SENP7: variants seen among roughly 807,000 people sequenced by gnomAD.
SENP7 encodes sentrin-specific protease 7.
In SENP7, 64 loss-of-function variants were observed where a neutral mutation model predicts 141.2. The ratio of observed to expected loss-of-function variants is 0.45; its 90% CI spans 0.37 to 0.56. SENP7 has a LOEUF of 0.56. Ranked by LOEUF, SENP7 falls within the 20% of genes least tolerant of loss-of-function variation. The pLI, the probability that SENP7 is intolerant of heterozygous loss-of-function variation, is 0.00. For missense variants in SENP7, 1,025 were observed against 1,212.2 expected, an observed-to-expected ratio of 0.85 and a Z score of 2.29; for synonymous variants, 382 against 426.4, an observed-to-expected ratio of 0.90 and a Z score of 1.28.
At chr3:101,414,188 T>G in intron 5 of SENP7, 1 of 572,408 alleles carries the variant, frequency 1.7e-6, no homozygotes, top group East Asian at 3.0e-5. Context: ...TAACTATATA[T>G]GGCCGCACAG....
intron 4 of SENP7, among the ~76,000 whole-genome samples, chr3:101,452,612 G>T (rs1490181622): frequency 6.6e-6 from 1 of 152,092 alleles, no homozygotes; most frequent in Non-Finnish European, 1.5e-5. Context: ...CAAGAAATGG[G>T]GAAAGCATTC....
chr3:101,408,229 G>A (rs1238579108), intron 5 of SENP7, among the ~76,000 whole-genome samples: 4 of 151,906 alleles, frequency 2.6e-5, no homozygotes, highest in South Asian at 2.1e-4. Context: ...AGCTTAAATC[G>A]GGAAGAATTA....
intron 2 of SENP7, 31 bp from the exon 3 acceptor site, chr3:101,493,999 A>G (rs750606899): frequency 7.3e-7 from 1 of 1,373,208 alleles, no homozygotes; most frequent in Admixed American, 1.7e-5. Context: ...TAATTAGTTT[A>G]ATTGAACTAT....
At chr3:101,337,241 T>C (rs2059211556) in intron 17 of SENP7, 1 of 218,228 alleles carries the variant, frequency 4.6e-6, no homozygotes, top group East Asian at 1.1e-4. Flanking sequence ...AGAAATAACC[T>C]AGCTTCTTTC....
intron 3 of SENP7, among the ~76,000 whole-genome samples, chr3:101,466,308 A>G (rs2107933180): frequency 6.6e-6 from 1 of 152,360 alleles, no homozygotes; most frequent in East Asian, 1.9e-4. Flanking sequence ...AAAGGCTTCT[A>G]CAAGGTATAT....
At chr3:101,400,156 C>T (rs180913305) in intron 5 of SENP7, among the ~76,000 whole-genome samples, 13 of 152,292 alleles carry the variant, frequency 8.5e-5, no homozygotes, top group Non-Finnish European at 1.8e-4. Flanking sequence ...AATTCACTGG[C>T]CCAAGCCAAA....
chr3:101,419,756 C>T (rs2061732264), intron 4 of SENP7, among the ~76,000 whole-genome samples: 1 of 152,180 alleles, frequency 6.6e-6, no homozygotes, highest in Non-Finnish European at 1.5e-5. Flanking sequence ...ATAATTAACA[C>T]AGTAAGTTTC....
chr3:101,380,435 G>GCCCCCC (rs11348061), intron 6 of SENP7, among the ~76,000 whole-genome samples: 1 of 95,168 alleles, frequency 1.1e-5, no homozygotes, highest in Non-Finnish European at 2.3e-5. Flanking sequence ...GCAAACCACC[G>GCCCCCC]CCCCCCCCCC....
At position 101,361,695 on chromosome 3, in the gene SENP7, A is replaced by C. The variant is rs771416417; in HGVS notation, c.1623+20T>G. 1.3e-6 allele frequency: 2 copies of C among 1,520,294 alleles called. No homozygotes were observed. The highest frequency in any genetic ancestry group is 1.8e-6 in the Non-Finnish European group (2 of 1,141,816). 94.2% of individuals were successfully genotyped at this position (1,520,294 alleles called of 1,614,324 possible). A position where few individuals can be genotyped will look rare whatever the true frequency, so the allele number is the denominator to read the frequency against. On this transcript the variant is annotated intron_variant, in intron 11 of 23. Coordinates refer to ENST00000394095, the MANE Select transcript of SENP7 (RefSeq NM_020654.5). ...TGTCCAAGATCCAAACTAAAAGAAA[A>C]TTAAAGAAAATATACTTACTGTAAC...
intron 1 of SENP7, among the ~76,000 whole-genome samples, chr3:101,512,336 G>A (rs1021008992): frequency 1.3e-5 from 2 of 152,176 alleles, no homozygotes; most frequent in Non-Finnish European, 2.9e-5. Flanking sequence ...TCTCAACTGG[G>A]AGGAGCTCTA....
chr3:101,384,779 C>G (rs2553425), intron 6 of SENP7, among the ~76,000 whole-genome samples: 70,427 of 152,068 alleles, frequency 0.46, 16,696 homozygotes, highest in South Asian at 0.53. Flanking sequence ...AAAACTCAGG[C>G]AAAGAGGTCA....
intron 9 of SENP7, 64 bp from the exon 10 acceptor site, chr3:101,365,055 C>A: frequency 9.1e-7 from 1 of 1,093,982 alleles, no homozygotes; most frequent in Non-Finnish European, 1.2e-6. Context: ...TTTTTTGAGA[C>A]ACAGTCTCCC....
chr3:101,433,936 T>C (rs1236343564), intron 4 of SENP7, among the ~76,000 whole-genome samples: 2 of 151,456 alleles, frequency 1.3e-5, no homozygotes, highest in Non-Finnish European at 2.9e-5. Context: ...ACCAAATGGA[T>C]CTAATACACA....
intron 4 of SENP7, among the ~76,000 whole-genome samples, chr3:101,449,395 G>T (rs2063029463): frequency 1.3e-5 from 2 of 152,114 alleles, no homozygotes; most frequent in Admixed American, 1.3e-4. Context: ...TCCTCGAGAA[G>T]AGCAACTCCA....
chr3:101,481,242 C>T (rs561847425), intron 3 of SENP7, among the ~76,000 whole-genome samples: 6 of 152,214 alleles, frequency 3.9e-5, no homozygotes, highest in South Asian at 4.1e-4. Flanking sequence ...ACCAAACTGC[C>T]CATCAATGGA....
At chr3:101,426,923 G>A (rs1225412716) in intron 4 of SENP7, among the ~76,000 whole-genome samples, 2 of 152,184 alleles carry the variant, frequency 1.3e-5, no homozygotes, top group Non-Finnish European at 2.9e-5. Context: ...GAAGTACACA[G>A]ACCAGTGACA....
At position 101,332,122 on chromosome 3, in the gene SENP7, A is replaced by T; in HGVS notation, c.2574-13T>A. The T allele has an allele frequency of 6.2e-7, 1 of 1,612,152 alleles. No individual in the cohort carries two copies. The highest frequency in any genetic ancestry group is 1.3e-5 in the African/African-American group (1 of 74,976). ...ATACCAGTGAGACCTGTTGAAAAAG[A>T]ACTACAATCTTAATACCATGCAAAG... On this transcript the variant is annotated splice_polypyrimidine_tract_variant and intron_variant, in intron 18 of 23. Transcript: ENST00000394095.
intron 2 of SENP7, among the ~76,000 whole-genome samples, chr3:101,498,355 T>C (rs989519445): frequency 6.6e-6 from 1 of 152,162 alleles, no homozygotes; most frequent in African/African-American, 2.4e-5. Context: ...TCAAGGCTGA[T>C]ATTACCAGTA....
intron 5 of SENP7, among the ~76,000 whole-genome samples, chr3:101,408,940 C>T (rs1048397953): frequency 6.6e-6 from 1 of 152,060 alleles, no homozygotes; most frequent in Non-Finnish European, 1.5e-5. Flanking sequence ...AGAGCAATCA[C>T]ACAAGAGAAA....
Sources: gnomAD v4.1 joint callset for allele counts (sites outside exome capture counted in the v4.1 genomes callset) on GRCh38, gnomAD v4.1.1 for gene constraint, MANE v1.5 for transcripts, NCBI Gene and HGNC (gene_info 2026-07-23, HGNC 2026-07-21) for gene names.